The following OCA2 variants were observed in gnomAD, a reference collection of about 807,000 sequenced individuals.
OCA2 encodes the protein OCA2 melanosomal transmembrane protein, also known as P protein.
In OCA2, 77 loss-of-function variants were observed where a neutral mutation model predicts 100.2. The observed-to-expected ratio is 0.77, with a 90% confidence interval of 0.64 to 0.93. The LOEUF (loss-of-function observed/expected upper bound fraction) is 0.93, where lower values mean the gene tolerates loss of function less well. Among genes scored for constraint, OCA2 ranks in the 40% least tolerant of loss-of-function variants. The pLI is 0.00. For missense variants in OCA2, 1,062 were observed against 1,089.1 expected (o/e 0.98, Z 0.35); for synonymous variants, 432 against 439.2 (o/e 0.98, Z 0.21).
At chr15:28,015,244 C>T (rs1426511849) in intron 8 of OCA2, among the ~76,000 whole-genome samples, 1 of 152,174 alleles carries the variant, frequency 6.6e-6, no homozygotes, top group African/African-American at 2.4e-5. Context: ...CATACCCGAC[C>T]AGTTTACCTG....
intron 9 of OCA2, 131 bp downstream of exon 9, chr15:28,014,645 T>C: frequency 1.0e-6 from 1 of 999,326 alleles, no homozygotes; most frequent in South Asian, 1.4e-5. Context: ...GACACGCTAA[T>C]CTTTAGGAAT....
chr15:27,850,263 C>G (rs1033133681), intron 22 of OCA2, among the ~76,000 whole-genome samples: 2 of 152,124 alleles, frequency 1.3e-5, no homozygotes, highest in Non-Finnish European at 2.9e-5. Flanking sequence ...GGCACACCAC[C>G]GTTACAGGAC....
chr15:27,866,528 C>G (rs1474088277), intron 21 of OCA2, among the ~76,000 whole-genome samples: 1 of 152,226 alleles, frequency 6.6e-6, no homozygotes, highest in African/African-American at 2.4e-5. Flanking sequence ...CTTTCCTATT[C>G]ATCTGCAAAC....
intron 18 of OCA2, among the ~76,000 whole-genome samples, chr15:27,938,292 C>T (rs552977860): frequency 5.3e-5 from 8 of 152,234 alleles, no homozygotes; most frequent in Admixed American, 3.3e-4. Flanking sequence ...CCTCAGCTTA[C>T]GTGCCACCTA....
At chr15:27,768,824 C>T (rs907096112) in intron 23 of OCA2, among the ~76,000 whole-genome samples, 5 of 152,152 alleles carry the variant, frequency 3.3e-5, no homozygotes, top group African/African-American at 1.2e-4. Flanking sequence ...GCAAGGCCTG[C>T]GGGCAGCTCT....
chr15:27,771,312 C>G (rs979297094), intron 23 of OCA2, among the ~76,000 whole-genome samples: 1 of 152,006 alleles, frequency 6.6e-6, no homozygotes, highest in African/African-American at 2.4e-5. Flanking sequence ...CTCCACGGCC[C>G]CAGCTCGGAG....
the OCA2 span, among the ~76,000 whole-genome samples, chr15:27,722,326 T>C: frequency 2.6e-5 from 4 of 152,234 alleles, no homozygotes; most frequent in Non-Finnish European, 5.9e-5. Flanking sequence ...TTTGAACTGC[T>C]CAGTCAGAGA....
intron 7 of OCA2, among the ~76,000 whole-genome samples, chr15:28,016,764 GA>G (rs1403047006): frequency 1.3e-4 from 20 of 152,182 alleles, no homozygotes; most frequent in African/African-American, 4.3e-4. Context: ...CTGGGCAACA[GA>G]GTGAGACCCC....
At chr15:27,857,201 G>A (rs2035978070) in intron 21 of OCA2, among the ~76,000 whole-genome samples, 1 of 152,146 alleles carries the variant, frequency 6.6e-6, no homozygotes, top group Non-Finnish European at 1.5e-5. Context: ...AAATTATAAA[G>A]AGGAATCAAA....
intron 19 of OCA2, among the ~76,000 whole-genome samples, chr15:27,902,986 C>T (rs2038017280): frequency 1.3e-5 from 2 of 152,220 alleles, no homozygotes; most frequent in East Asian, 3.9e-4. Context: ...CCCTCGGGAG[C>T]ACCCACAGGG....
chr15:27,984,959 C>T, intron 13 of OCA2, 105 bp downstream of exon 13: 3 of 1,414,490 alleles, frequency 2.1e-6, no homozygotes, highest in Non-Finnish European at 2.9e-6. Flanking sequence ...ACCGCCCCCA[C>T]CTTTTCATGC....
intron 19 of OCA2, among the ~76,000 whole-genome samples, chr15:27,925,275 A>G (rs917853725): frequency 9.9e-5 from 15 of 152,218 alleles, no homozygotes; most frequent in African/African-American, 3.6e-4. Context: ...ACAAAACAGC[A>G]GCAGAATACA....
intron 6 of OCA2, among the ~76,000 whole-genome samples, chr15:28,019,334 G>T (rs2042514274): frequency 7.3e-6 from 1 of 137,358 alleles, no homozygotes; most frequent in Non-Finnish European, 1.7e-5. Context: ...GAAGAGAAAG[G>T]AGAGCGGGAG....
intron 1 of OCA2, among the ~76,000 whole-genome samples, chr15:28,090,432 T>C (rs1045757311): frequency 5.3e-5 from 8 of 152,164 alleles, no homozygotes; most frequent in Admixed American, 6.5e-5. Flanking sequence ...TACACCAAGA[T>C]AGACTACACT....
Position 27,990,583 on chromosome 15 carries a change from A to G in OCA2, c.1109T>C (p.Ile370Thr), listed in dbSNP as rs34731820. Residue 370 changes from isoleucine to threonine, a missense_variant, in exon 10 of 24, where the codon ATT becomes ACT. By Grantham distance (89) the Ile-to-Thr change is moderately conservative (BLOSUM62 -1). Coordinates refer to ENST00000354638, the MANE Select transcript of OCA2 (RefSeq NM_000275.3). ...GGGACTGTGACAACTTACATCGCCAATCACAGCCAGTGCTGCCAGTGCTGC... is the reference window on the plus strand; with the variant it reads ...GGGACTGTGACAACTTACATCGCCAGTCACAGCCAGTGCTGCCAGTGCTGC... Reference protein sequence around the residue: ...SLAALAALAVIGDRPSLTHVV... With the variant: ...SLAALAALAVTGDRPSLTHVV... 6.1e-4 allele frequency: 990 copies of G among 1,614,014 alleles called. 9 individuals are homozygous for G. The African/African-American group carries it at 0.012, about 20-fold the overall frequency.
intron 21 of OCA2, among the ~76,000 whole-genome samples, chr15:27,854,803 A>C (rs1363492869): frequency 6.6e-6 from 1 of 152,170 alleles, no homozygotes; most frequent in Admixed American, 6.5e-5. Context: ...CTGTTGGTGC[A>C]AAGCCAGCCT....
intron 18 of OCA2, among the ~76,000 whole-genome samples, chr15:27,937,884 T>A (rs2039512975): frequency 6.6e-6 from 1 of 152,234 alleles, no homozygotes; most frequent in South Asian, 2.1e-4. Flanking sequence ...CATTTAGTAG[T>A]ACACTTTGAG....
intron 2 of OCA2, among the ~76,000 whole-genome samples, chr15:28,045,690 G>A (rs144486703): frequency 6.6e-6 from 1 of 152,160 alleles, no homozygotes; most frequent in African/African-American, 2.4e-5. Flanking sequence ...CACAGCACCC[G>A]GCACATAGCA....
Position 27,989,860 on chromosome 15 carries a change from C to A in OCA2, c.1117-194G>T, listed in dbSNP as rs540825345. On this transcript the variant is annotated intron_variant, in intron 10 of 23. Transcript: ENST00000354638. ...TCTTGACCCAGGGCATCTATAATGTCAAATCTATGCATTTAGTAATAAAGT... is the reference window on the plus strand; with the variant it reads ...TCTTGACCCAGGGCATCTATAATGTAAAATCTATGCATTTAGTAATAAAGT... Among the ~76,000 whole-genome samples the A allele has an allele frequency of 5.9e-5, 9 of 152,326 alleles. 1 individual carries two copies. In the South Asian group the frequency reaches 1.7e-3, roughly 28 times the overall value.
Sources: gnomAD v4.1 joint callset for allele counts (sites outside exome capture counted in the v4.1 genomes callset) on GRCh38, gnomAD v4.1.1 for gene constraint, MANE v1.5 for transcripts, NCBI Gene and HGNC (gene_info 2026-07-23, HGNC 2026-07-21) for gene names.